ZNF577: variants seen among roughly 807,000 people sequenced by gnomAD.
ZNF577 encodes the protein zinc finger protein 577.
Under a neutral mutation model 13.9 loss-of-function variants are expected in ZNF577, and 14 were observed. That is an observed-to-expected ratio of 1.00 (90% confidence interval 0.66 to 1.57). The LOEUF is 1.57. Among genes scored for constraint, ZNF577 ranks in the 40% most tolerant of loss-of-function variants. ZNF577 has a pLI of 0.00. For missense variants in ZNF577, 555 were observed against 579.2 expected (o/e 0.96, Z 0.43); for synonymous variants, 203 against 202.9 (o/e 1.00, Z 0.00).
At position 51,880,263 on chromosome 19, in the gene ZNF577, C is replaced by T; in HGVS notation, c.60+60G>A. The T allele has an allele frequency of 1.3e-6, 2 of 1,554,904 alleles. 1 individual carries two copies. The highest frequency in any genetic ancestry group is 3.4e-4 in the Middle Eastern group (2 of 5,966). On this transcript the variant is annotated intron_variant, in intron 3 of 5. Transcript: ENST00000638348. The stretch of plus-strand genomic sequence containing the variant: ...AGGCTGACTTTGAGGATACCGTCAA[C>T]CACAAAAGCTCTCTGAAGGAAAGAA...
chr19:51,857,757 T>C (rs2084452386), intron 5 of ZNF577, among the ~76,000 whole-genome samples: 1 of 150,354 alleles, frequency 6.7e-6, no homozygotes, highest in African/African-American at 2.5e-5. Context: ...TATATATCTG[T>C]ACACATACAC....
intron 9 of ZNF577, among the ~76,000 whole-genome samples, chr19:51,815,813 G>A (rs967107809): frequency 6.7e-6 from 1 of 149,444 alleles, no homozygotes; most frequent in Admixed American, 6.7e-5. Context: ...AGTGAGCAGC[G>A]ATCATGCCAC....
intron 10 of ZNF577, among the ~76,000 whole-genome samples, chr19:51,810,459 C>T (rs370927236): frequency 1.3e-5 from 2 of 152,196 alleles, no homozygotes; most frequent in Non-Finnish European, 2.9e-5. Context: ...GGGACTCCCT[C>T]TTCAGGAATT....
chr19:51,873,035 T>C lies in ZNF577; in HGVS notation c.955A>G (p.Ile319Val), dbSNP rs745515966. 1 of 1,614,198 alleles carries C rather than the reference T, an allele frequency of 6.2e-7. No individual in the cohort carries two copies. Among genetic ancestry groups the C allele is most frequent in the South Asian group, 1.1e-5 (1 of 91,080 alleles). Residue 319 changes from isoleucine to valine, a missense_variant, in exon 6 of 6, where the codon ATT becomes GTT. Transcript: ENST00000638348. ...FKSDLTRHQR[I>V]HTGEKPYECS... ...TCATAAGGTTTCTCTCCCGTATGAA[T>C]CCTCTGATGTCTGGTCAGGTCTGAC...
chr19:51,809,448 A>G (rs2084082838), intron 10 of ZNF577, among the ~76,000 whole-genome samples: 1 of 152,180 alleles, frequency 6.6e-6, no homozygotes, highest in Non-Finnish European at 1.5e-5. Flanking sequence ...ATTAGAGGCT[A>G]TGGGTTGGGA....
chr19:51,839,813 C>A (rs1442698935), intron 9 of ZNF577: 1 of 152,274 alleles, frequency 6.6e-6, no homozygotes, highest in Non-Finnish European at 1.5e-5. Flanking sequence ...TCCCTGAAGC[C>A]TTCTTACACC....
chr19:51,841,627 G>C (rs111756245), intron 8 of ZNF577, among the ~76,000 whole-genome samples: 1 of 152,130 alleles, frequency 6.6e-6, no homozygotes, highest in Admixed American at 6.5e-5. Flanking sequence ...TCTATAGATA[G>C]AAAATATTAG....
In ZNF577 at chr19:51,868,684, A is replaced by G. The variant is rs1035375648; in HGVS notation, c.*3848T>C. Reference sequence around the variant, plus strand: ...ACTACCGTCTTCAACTGCCTTGAACACCCAGATAGAATTCACTCATGTGTG... The same window carrying G: ...ACTACCGTCTTCAACTGCCTTGAACGCCCAGATAGAATTCACTCATGTGTG... On this transcript the variant is annotated 3_prime_UTR_variant, in exon 6 of 6. Transcript: ENST00000638348. Among the ~76,000 whole-genome samples the G allele has an allele frequency of 2.0e-5, 3 of 151,258 alleles. No individual in the cohort carries two copies. Among genetic ancestry groups the G allele is most frequent in the African/African-American group, 7.3e-5 (3 of 41,076 alleles).
chr19:51,885,381 TTTTTGTC>T (rs2122733656), intron 1 of ZNF577, among the ~76,000 whole-genome samples: 1 of 152,326 alleles, frequency 6.6e-6, no homozygotes, highest in African/African-American at 2.4e-5. Flanking sequence ...CCCTTTTAGC[TTTTTGTC>T]TGCCTGTTCT....
chr19:51,804,875 G>A (rs1035103038), exon 11 of ZNF577: 6 of 152,244 alleles, frequency 3.9e-5, no homozygotes, highest in South Asian at 4.2e-4. Flanking sequence ...AGCTTTACAC[G>A]GCCCTCTGTA....
At chr19:51,854,866 A>C (rs6509577) in intron 5 of ZNF577, among the ~76,000 whole-genome samples, 57,332 of 151,848 alleles carry the variant, frequency 0.38, 11,942 homozygotes, top group African/African-American at 0.55. Context: ...TGTTCCTCAG[A>C]CTGGATAATT....
At chr19:51,809,930 A>C (rs2084085234) in intron 10 of ZNF577, among the ~76,000 whole-genome samples, 1 of 151,916 alleles carries the variant, frequency 6.6e-6, no homozygotes, top group South Asian at 2.1e-4. Context: ...CCCCCATCTC[A>C]TTTCCCAGCA....
chr19:51,872,860 ATG>A lies in ZNF577; in HGVS notation c.1128_1129del (p.Ile377LysfsTer53). On this transcript the variant is annotated frameshift_variant, in exon 6 of 6. Transcript: ENST00000638348. LOFTEE classifies it low-confidence loss of function (END_TRUNC). ...CAGTGAATTTATGGCTGTCTCTCTTATGTGAGTTTTCTCATGTTTAATGAGGA... is the reference window on the plus strand; with the variant it reads ...CAGTGAATTTATGGCTGTCTCTCTTATGAGTTTTCTCATGTTTAATGAGGA... 2 of 1,614,152 alleles carry A rather than the reference ATG, an allele frequency of 1.2e-6. No homozygotes were observed. Among genetic ancestry groups the A allele is most frequent in the Non-Finnish European group, 1.7e-6 (2 of 1,180,036 alleles).
At chr19:51,834,156 T>C (rs2084276640) in intron 9 of ZNF577, among the ~76,000 whole-genome samples, 1 of 152,066 alleles carries the variant, frequency 6.6e-6, no homozygotes, top group Admixed American at 6.6e-5. Context: ...AGTGGCACAA[T>C]CATAGCTCAC....
chr19:51,843,614 T>C (rs2084333296), intron 6 of ZNF577, among the ~76,000 whole-genome samples: 1 of 152,244 alleles, frequency 6.6e-6, no homozygotes, highest in Non-Finnish European at 1.5e-5. Flanking sequence ...ATGTAATTCA[T>C]TATACATATT....
At chr19:51,877,743 A>T (rs1367024985) in intron 4 of ZNF577, 1 of 180,028 alleles carries the variant, frequency 5.6e-6, no homozygotes, top group African/African-American at 2.4e-5. Flanking sequence ...ATCACCCAGC[A>T]ATTCCACTTC....
chr19:51,845,489 CAA>C (rs1056181069), intron 5 of ZNF577, among the ~76,000 whole-genome samples: 2 of 134,142 alleles, frequency 1.5e-5, no homozygotes, highest in African/African-American at 2.8e-5. Flanking sequence ...AACTCTGCCT[CAA>C]AAAAAAAAAG....
intron 5 of ZNF577, chr19:51,855,731 C>T (rs2084411550): frequency 2.6e-5 from 4 of 152,154 alleles, no homozygotes; most frequent in African/African-American, 9.7e-5. Context: ...GCCCTAGTAT[C>T]GCACTTTTCC....
chr19:51,860,747 A>G (rs568692315), intron 5 of ZNF577: 50 of 272,676 alleles, frequency 1.8e-4, no homozygotes, highest in African/African-American at 1.1e-3. Context: ...CACATTTACT[A>G]TATTAATAGG....
Sources: gnomAD v4.1 joint callset for allele counts (sites outside exome capture counted in the v4.1 genomes callset) on GRCh38, gnomAD v4.1.1 for gene constraint, MANE v1.5 for transcripts, NCBI Gene and HGNC (gene_info 2026-07-23, HGNC 2026-07-21) for gene names.